Variants in BBS7 observed in about 807,000 individuals in gnomAD.
The protein encoded by BBS7 is BBSome complex member BBS7.
Under a neutral mutation model 90.3 loss-of-function variants are expected in BBS7, and 50 were observed. The ratio of observed to expected loss-of-function variants is 0.55; its 90% confidence interval spans 0.44 to 0.70. The LOEUF (loss-of-function observed/expected upper bound fraction) is 0.70, where lower values mean the gene tolerates loss of function less well. Among genes scored for constraint, BBS7 ranks in the 30% least tolerant of loss-of-function variants. BBS7 has a pLI of 0.00. For missense variants in BBS7, 729 were observed against 838.9 expected (o/e 0.87, Z 1.62); for synonymous variants, 235 against 287.4 (o/e 0.82, Z 1.85).
chr4:121,863,173 C>A (rs1399830795), intron 3 of BBS7, 44 bp downstream of exon 3: 1 of 1,576,608 alleles, frequency 6.3e-7, no homozygotes, highest in South Asian at 1.1e-5. Context: ...ATAGTGCATT[C>A]TCTTTTAGAA....
chr4:121,826,658 G>A (rs574895543), intron 18 of BBS7, among the ~76,000 whole-genome samples: 4 of 152,260 alleles, frequency 2.6e-5, no homozygotes, highest in Admixed American at 6.5e-5. Context: ...CAAAATATAC[G>A]GATGAATATT....
At chr4:121,847,289 C>G (rs1726061683) in intron 10 of BBS7, 115 bp downstream of exon 10, 2 of 699,472 alleles carry the variant, frequency 2.9e-6, no homozygotes, top group Admixed American at 2.6e-5. Context: ...AGGTGATAAA[C>G]TAATTAATTA....
Position 121,853,181 on chromosome 4 carries a change from C to A in BBS7, c.719-95G>T, listed in dbSNP as rs1037555534. 14 of 1,364,914 alleles carry A rather than the reference C, an allele frequency of 1.0e-5. No homozygotes were observed. In the Admixed American group the frequency reaches 1.2e-4, roughly 11 times the overall value. The allele number at this position is 1,364,914 out of a possible 1,614,324, so 84.6% of individuals were successfully genotyped here. A position where few individuals can be genotyped will look rare whatever the true frequency, so the allele number is the denominator to read the frequency against. On this transcript the variant is annotated intron_variant, in intron 7 of 18. Coordinates refer to ENST00000264499, the MANE Select transcript of BBS7 (RefSeq NM_176824.3). Reference sequence around the variant, plus strand: ...AATGAAAAAAACACACATACCGACTCAGAATGGTGAGCAAAAAAACTTTGA... The same window carrying A: ...AATGAAAAAAACACACATACCGACTAAGAATGGTGAGCAAAAAAACTTTGA...
At chr4:121,839,804 G>T (rs1725643920) in intron 12 of BBS7, 108 bp from the exon 13 acceptor site, 1 of 927,128 alleles carries the variant, frequency 1.1e-6, no homozygotes, top group Non-Finnish European at 1.7e-6. Flanking sequence ...CCTGTCATTG[G>T]TGCTCAGCGC....
chr4:121,849,603 C>A (rs906512102), intron 8 of BBS7, among the ~76,000 whole-genome samples: 5 of 152,094 alleles, frequency 3.3e-5, no homozygotes, highest in African/African-American at 1.2e-4. Flanking sequence ...CCGAGGTGGG[C>A]GGATCACGAG....
chr4:121,854,528 A>G (rs187124540), intron 7 of BBS7, among the ~76,000 whole-genome samples, 176 bp downstream of exon 7: 132 of 152,342 alleles, frequency 8.7e-4, no homozygotes, highest in African/African-American at 2.9e-3. Flanking sequence ...TCTTACTTTT[A>G]AAAAATTATG....
chr4:121,835,433 C>T (rs1284366820), intron 13 of BBS7, 150 bp from the exon 14 acceptor site: 2 of 869,700 alleles, frequency 2.3e-6, no homozygotes, highest in South Asian at 1.6e-5. Flanking sequence ...CAGCTTCTTT[C>T]TCCTGTCCCA....
At chr4:121,845,754 G>T in intron 10 of BBS7, 58 bp from the exon 11 acceptor site, 1 of 1,455,118 alleles carries the variant, frequency 6.9e-7, no homozygotes, top group Non-Finnish European at 9.6e-7. Context: ...GAGGTCGTTA[G>T]GATGTTTACA....
At chr4:121,857,168 G>T (rs1726721349) in intron 5 of BBS7, among the ~76,000 whole-genome samples, 1 of 151,098 alleles carries the variant, frequency 6.6e-6, no homozygotes, top group African/African-American at 2.4e-5. Flanking sequence ...ATCCAGGCTG[G>T]AGTGCAGTGC....
chr4:121,825,999 A>G lies in BBS7; in HGVS notation c.2015-6T>C, dbSNP rs1410791119. 1 of 1,586,710 alleles carries G rather than the reference A, an allele frequency of 6.3e-7. No homozygotes were observed. The highest frequency in any genetic ancestry group is 8.6e-7 in the Non-Finnish European group (1 of 1,158,016). ...GAAAAGATCAGTGATCATGCCTTTA[A>G]AGAAAAAACATAAATTTCCTGTCAG... On this transcript the variant is annotated splice_polypyrimidine_tract_variant and splice_region_variant and intron_variant, in intron 18 of 18. Transcript: ENST00000264499.
intron 15 of BBS7, among the ~76,000 whole-genome samples, chr4:121,832,123 G>A (rs186370115): frequency 1.3e-5 from 2 of 151,922 alleles, no homozygotes; most frequent in African/African-American, 4.8e-5. Context: ...CAGGAGGATT[G>A]CTTGAGCTCA....
At chr4:121,841,872 A>G (rs1725755960) in intron 12 of BBS7, among the ~76,000 whole-genome samples, 1 of 152,202 alleles carries the variant, frequency 6.6e-6, no homozygotes, top group African/African-American at 2.4e-5. Flanking sequence ...TTTGTTCTCA[A>G]ACAGGAACGA....
intron 1 of BBS7, among the ~76,000 whole-genome samples, chr4:121,869,559 G>A (rs532680392): frequency 1.3e-5 from 2 of 152,040 alleles, no homozygotes; most frequent in East Asian, 1.9e-4. Context: ...TCCCCCTTTC[G>A]AGACAGTCTC....
chr4:121,863,854 T>C (rs1727116371), intron 2 of BBS7, among the ~76,000 whole-genome samples: 1 of 152,190 alleles, frequency 6.6e-6, no homozygotes, highest in Non-Finnish European at 1.5e-5. Flanking sequence ...CAATGAATTG[T>C]TTTGAAATAA....
intron 8 of BBS7, 113 bp downstream of exon 8, chr4:121,852,843 T>G (rs544721467): frequency 9.5e-4 from 1,105 of 1,168,578 alleles, no homozygotes; most frequent in Non-Finnish European, 1.3e-3. Context: ...TAGCAATATT[T>G]TAAACCAAAC....
In BBS7 at chr4:121,852,942, T is replaced by C. The variant is rs1275246525; in HGVS notation, c.849+14A>G. The C allele has an allele frequency of 1.9e-6, 3 of 1,612,852 alleles. No individual in the cohort carries two copies. Among genetic ancestry groups the C allele is most frequent in the Non-Finnish European group, 2.5e-6 (3 of 1,179,194 alleles). On this transcript the variant is annotated intron_variant, in intron 8 of 18. Coordinates refer to ENST00000264499, the MANE Select transcript of BBS7 (RefSeq NM_176824.3). ...GACAAATAATAAGCATATAGTCTTT[T>C]TTAATGAACTTACCTGATCAAATCG...
chr4:121,837,115 C>T (rs1725500344), intron 13 of BBS7, among the ~76,000 whole-genome samples: 1 of 151,862 alleles, frequency 6.6e-6, no homozygotes, highest in Non-Finnish European at 1.5e-5. Context: ...GTGTGCCACC[C>T]TGCCCAGCTA....
chr4:121,845,095 G>A (rs1725933191), intron 11 of BBS7, among the ~76,000 whole-genome samples: 1 of 152,160 alleles, frequency 6.6e-6, no homozygotes, highest in Non-Finnish European at 1.5e-5. Context: ...ATGACTGGGT[G>A]GGGTGGTTCA....
chr4:121,859,314 C>T, intron 4 of BBS7, 136 bp from the exon 5 acceptor site: 1 of 804,416 alleles, frequency 1.2e-6, no homozygotes, highest in Non-Finnish European at 2.0e-6. Context: ...AAAACTTTCT[C>T]CTAGTTAATT....
Sources: gnomAD v4.1 joint callset for allele counts (sites outside exome capture counted in the v4.1 genomes callset) on GRCh38, gnomAD v4.1.1 for gene constraint, MANE v1.5 for transcripts, NCBI Gene and HGNC (gene_info 2026-07-23, HGNC 2026-07-21) for gene names.